RABGAP1L: variants seen among roughly 807,000 people sequenced by gnomAD.
The protein encoded by RABGAP1L is RAB GTPase activating protein 1 like.
RABGAP1L carries 63 observed loss-of-function variants against 137.7 expected under a neutral mutation model. The ratio of observed to expected loss-of-function variants is 0.46; its 90% CI spans 0.37 to 0.56. The LOEUF (loss-of-function observed/expected upper bound fraction) is 0.56, where lower values mean the gene tolerates loss of function less well. Ranked by LOEUF, RABGAP1L falls within the 20% of genes least tolerant of loss-of-function variation. The pLI is 0.00. For missense variants in RABGAP1L, 1,095 were observed against 1,244.0 expected, an observed-to-expected ratio of 0.88 and a Z score of 1.80; for synonymous variants, 431 against 433.7, an observed-to-expected ratio of 0.99 and a Z score of 0.08.
At chr1:174,274,903 A>T (rs989661377) in intron 8 of RABGAP1L, among the ~76,000 whole-genome samples, 5 of 152,176 alleles carry the variant, frequency 3.3e-5, no homozygotes, top group Admixed American at 2.0e-4. Flanking sequence ...TCTTTGTTTT[A>T]GTCTGACCCT....
At chr1:174,947,868 A>G (rs2149315237) in intron 19 of RABGAP1L, among the ~76,000 whole-genome samples, 1 of 152,328 alleles carries the variant, frequency 6.6e-6, no homozygotes, top group African/African-American at 2.4e-5. Flanking sequence ...GATTCTTGAA[A>G]TATTTTGGGA....
At chr1:174,451,467 C>T (rs960467108) in intron 13 of RABGAP1L, among the ~76,000 whole-genome samples, 1 of 152,132 alleles carries the variant, frequency 6.6e-6, no homozygotes, top group African/African-American at 2.4e-5. Context: ...TACCTTAAAT[C>T]CTCACTACAG....
At chr1:174,201,279 GA>G (rs1427596548) in intron 1 of RABGAP1L, among the ~76,000 whole-genome samples, 9 of 107,374 alleles carry the variant, frequency 8.4e-5, no homozygotes, top group South Asian at 2.8e-4. Flanking sequence ...TTTTTTTTTT[GA>G]GATGGAGTCT....
chr1:174,439,415 C>G (rs1653869223), intron 13 of RABGAP1L, among the ~76,000 whole-genome samples: 1 of 152,132 alleles, frequency 6.6e-6, no homozygotes, highest in African/African-American at 2.4e-5. Flanking sequence ...TGATTCTTGG[C>G]ACTTAGACCA....
At chr1:174,465,865 A>G (rs1250564272) in intron 13 of RABGAP1L, among the ~76,000 whole-genome samples, 1 of 152,182 alleles carries the variant, frequency 6.6e-6, no homozygotes, top group Non-Finnish European at 1.5e-5. Flanking sequence ...CTGTGTACAT[A>G]GGGAAGTATG....
intron 19 of RABGAP1L, among the ~76,000 whole-genome samples, chr1:174,822,049 T>G (rs558737391): frequency 5.3e-4 from 81 of 152,262 alleles, no homozygotes; most frequent in Non-Finnish European, 1.1e-3. Flanking sequence ...GATCACGAGG[T>G]CAGGAGTTGG....
intron 19 of RABGAP1L, among the ~76,000 whole-genome samples, chr1:174,932,590 T>G (rs1162013524): frequency 6.6e-6 from 1 of 152,164 alleles, no homozygotes; most frequent in Non-Finnish European, 1.5e-5. Flanking sequence ...TTCTGCAAGG[T>G]TCTTTATGTA....
chr1:174,207,873 G>A (rs913529567), intron 1 of RABGAP1L, among the ~76,000 whole-genome samples: 4 of 152,118 alleles, frequency 2.6e-5, no homozygotes, highest in Admixed American at 2.0e-4. Flanking sequence ...CTAAGTGGCC[G>A]AATTTGTGGA....
intron 19 of RABGAP1L, among the ~76,000 whole-genome samples, chr1:174,834,074 G>A (rs1692466971): frequency 6.6e-6 from 1 of 152,118 alleles, no homozygotes; most frequent in South Asian, 2.1e-4. Flanking sequence ...GGCTTAGTAG[G>A]AAAATAAGGA....
At chr1:174,428,814 A>C (rs570335835) in intron 13 of RABGAP1L, among the ~76,000 whole-genome samples, 8 of 152,338 alleles carry the variant, frequency 5.3e-5, no homozygotes, top group African/African-American at 1.9e-4. Context: ...AATTAAATGC[A>C]AACTATACTC....
intron 19 of RABGAP1L, among the ~76,000 whole-genome samples, chr1:174,946,980 G>GTGTGTGTA (rs770439099): frequency 0.018 from 1,438 of 78,094 alleles, 34 homozygotes; most frequent in Non-Finnish European, 0.023. Flanking sequence ...GTGTGTGTGT[G>GTGTGTGTA]TATATATATG....
chr1:174,900,769 A>C (rs1658009648), intron 19 of RABGAP1L, among the ~76,000 whole-genome samples: 1 of 151,982 alleles, frequency 6.6e-6, no homozygotes, highest in Non-Finnish European at 1.5e-5. Context: ...ATCCACCTGC[A>C]TTGGCCTCCC....
intron 10 of RABGAP1L, among the ~76,000 whole-genome samples, chr1:174,281,944 T>A (rs1675603239): frequency 6.6e-6 from 1 of 152,240 alleles, no homozygotes; most frequent in Non-Finnish European, 1.5e-5. Context: ...ATGCTTCTTT[T>A]ATGTAAAAGC....
chr1:174,731,943 C>T (rs553543810), intron 17 of RABGAP1L, among the ~76,000 whole-genome samples: 71 of 152,322 alleles, frequency 4.7e-4, no homozygotes, highest in African/African-American at 1.7e-3. Flanking sequence ...TGGTTCACAC[C>T]TGTAATCCCA....
chr1:174,392,459 C>T (rs4652365), intron 12 of RABGAP1L, among the ~76,000 whole-genome samples: 31,766 of 152,072 alleles, frequency 0.21, 3,668 homozygotes, highest in Admixed American at 0.24. Flanking sequence ...ATAAACTCTG[C>T]CTTTCTCTAG....
chr1:174,476,446 A>T (rs945611708), intron 13 of RABGAP1L, among the ~76,000 whole-genome samples: 7 of 152,224 alleles, frequency 4.6e-5, no homozygotes, highest in Non-Finnish European at 2.9e-5. Flanking sequence ...ATGCAAAATT[A>T]TCTATTAAAG....
At chr1:174,544,431 T>C (rs1665804191) in intron 13 of RABGAP1L, among the ~76,000 whole-genome samples, 1 of 152,208 alleles carries the variant, frequency 6.6e-6, no homozygotes, top group South Asian at 2.1e-4. Flanking sequence ...TCTCTTGCCA[T>C]GGTTTTCAGC....
intron 7 of RABGAP1L, among the ~76,000 whole-genome samples, chr1:174,268,395 A>T (rs989352540): frequency 6.6e-6 from 1 of 151,614 alleles, no homozygotes; most frequent in Non-Finnish European, 1.5e-5. Context: ...GTAGAGACGG[A>T]GGTTTCACCA....
At chr1:174,258,451 A>G (rs1323488844) in intron 7 of RABGAP1L, among the ~76,000 whole-genome samples, 1 of 152,182 alleles carries the variant, frequency 6.6e-6, no homozygotes, top group Non-Finnish European at 1.5e-5. Context: ...TTCTTAGCTA[A>G]TTAAACATCT....
Sources: gnomAD v4.1 joint callset for allele counts (sites outside exome capture counted in the v4.1 genomes callset) on GRCh38, gnomAD v4.1.1 for gene constraint, MANE v1.5 for transcripts, NCBI Gene and HGNC (gene_info 2026-07-23, HGNC 2026-07-21) for gene names.